The following ATP6V0D2 variants were observed in gnomAD, a reference collection of about 807,000 sequenced individuals.
ATP6V0D2 encodes V-type proton ATPase subunit d 2.
ATP6V0D2 carries 40 observed loss-of-function variants against 40.0 expected under a neutral mutation model. The observed-to-expected ratio is 1.00, with a 90% CI of 0.78 to 1.30. The LOEUF (loss-of-function observed/expected upper bound fraction) is 1.30, where lower values mean the gene tolerates loss of function less well. Ranked by LOEUF, ATP6V0D2 falls within the 50% of genes most tolerant of loss-of-function variation. ATP6V0D2 has a pLI of 0.00. For missense variants in ATP6V0D2, 470 were observed against 423.1 expected, an observed-to-expected ratio of 1.11 and a Z score of -0.97; for synonymous variants, 179 against 156.3, an observed-to-expected ratio of 1.15 and a Z score of -1.08.
chr8:86,114,777 A>G, intron 2 of ATP6V0D2, among the ~76,000 whole-genome samples: 1 of 152,214 alleles, frequency 6.6e-6, no homozygotes, highest in East Asian at 1.9e-4. Flanking sequence ...CATTTGAAAT[A>G]AGCTTATGCC....
intron 2 of ATP6V0D2, among the ~76,000 whole-genome samples, chr8:86,121,356 G>A (rs1025327808): frequency 4.3e-4 from 65 of 152,164 alleles, no homozygotes; most frequent in African/African-American, 1.5e-3. Flanking sequence ...GATCACTTGA[G>A]GTCAGGAGTT....
At position 86,129,803 on chromosome 8, in the gene ATP6V0D2, A is replaced by G. The variant is rs76476581; in HGVS notation, c.303-9654A>G. On this transcript the variant is annotated intron_variant, in intron 2 of 7. Transcript: ENST00000285393. ...GGGCAACAGAGTCAGCCTCTGTCTC[A>G]GGAAAAAAAAAAAAGGGAAAAAAAT... Among the ~76,000 whole-genome samples the G allele has an allele frequency of 6.2e-3, 924 of 148,630 alleles. 11 individuals are homozygous for G. The highest frequency in any genetic ancestry group is 0.022 in the African/African-American group (889 of 40,504).
At chr8:86,134,779 C>T (rs1818875988) in intron 2 of ATP6V0D2, among the ~76,000 whole-genome samples, 1 of 152,076 alleles carries the variant, frequency 6.6e-6, no homozygotes, top group Admixed American at 6.6e-5. Context: ...CCACAAATGT[C>T]CATCAATAGG....
Position 86,139,674 on chromosome 8 carries a change from G to A in ATP6V0D2, c.481+39G>A, listed in dbSNP as rs765296019. On this transcript the variant is annotated intron_variant, in intron 3 of 7. Coordinates refer to ENST00000285393, the MANE Select transcript of ATP6V0D2 (RefSeq NM_152565.1). ...GGTAATTTTGTAGCTGCTTGTGTAT[G>A]TTATCACAGTCATTAGAAAATGTAC... The A allele has an allele frequency of 2.7e-6, 4 of 1,503,860 alleles. No homozygotes were observed. In the East Asian group the frequency reaches 7.1e-5, roughly 27 times the overall value. The allele number at this position is 1,503,860 out of a possible 1,614,324, so 93.2% of individuals were successfully genotyped here.
intron 1 of ATP6V0D2, among the ~76,000 whole-genome samples, chr8:86,102,327 A>T (rs1818410110): frequency 8.4e-6 from 1 of 118,420 alleles, no homozygotes; most frequent in African/African-American, 2.9e-5. Context: ...AGAGCTGAGA[A>T]GAAATCAACT....
intron 5 of ATP6V0D2, among the ~76,000 whole-genome samples, chr8:86,147,386 T>C (rs1400756600): frequency 1.3e-5 from 2 of 152,192 alleles, no homozygotes; most frequent in African/African-American, 4.8e-5. Flanking sequence ...AGTTTTAACA[T>C]GAGTAAGTTT....
rs138863688 is a variant in ATP6V0D2 at position 86,136,301 on chromosome 8, G to T, written c.303-3156G>T. Among the ~76,000 whole-genome samples, 1,001 of 152,324 alleles carry T rather than the reference G, an allele frequency of 6.6e-3. 11 individuals carry two copies. The highest frequency in any genetic ancestry group is 9.5e-3 in the Non-Finnish European group (644 of 68,030). On this transcript the variant is annotated intron_variant, in intron 2 of 7. Transcript: ENST00000285393. ...GTAGAGGCAGGTCTGGGTGTTATAT[G>T]CAGGCTGCATCCTGCTCACACCATT... is the stretch of plus-strand genomic sequence containing the variant.
At position 86,113,899 on chromosome 8, in the gene ATP6V0D2, C is replaced by T; in HGVS notation, c.302+19C>T. 1 of 1,599,420 alleles carries T rather than the reference C, an allele frequency of 6.3e-7. No homozygotes were observed. The highest frequency in any genetic ancestry group is 8.5e-7 in the Non-Finnish European group (1 of 1,172,112). On this transcript the variant is annotated intron_variant, in intron 2 of 7. Transcript: ENST00000285393. ...ATATGACGTAAGTGATGACAGAAAG[C>T]CCTAATAAGCCCCAATGTACTCGTG...
chr8:86,148,851 T>G (rs1449457035), intron 5 of ATP6V0D2, among the ~76,000 whole-genome samples: 1 of 151,758 alleles, frequency 6.6e-6, no homozygotes, highest in African/African-American at 2.4e-5. Flanking sequence ...GACAGAGGCT[T>G]TCTTGAGCCT....
chr8:86,145,357 G>A lies in ATP6V0D2; in HGVS notation c.639+2403G>A, dbSNP rs866450419. 2.7e-3 allele frequency among the ~76,000 whole-genome samples: 218 copies of A among 80,886 alleles called. 1 individual carries two copies. Among genetic ancestry groups the A allele is most frequent in the East Asian group, 0.01 (26 of 2,488 alleles). The allele number at this position is 80,886 out of a possible 152,430, so 53.1% of individuals were successfully genotyped here. The stretch of plus-strand genomic sequence containing the variant: ...AAGAAGGAAAGAAGGAAAGAAGGAA[G>A]GAAGGAAGGAAGGAAGGAAAGAAAA... On this transcript the variant is annotated intron_variant, in intron 5 of 7. Transcript: ENST00000285393.
Position 86,152,943 on chromosome 8 carries a change from G to A in ATP6V0D2, c.1019G>A (p.Arg340Gln), listed in dbSNP as rs781030035. 1.2e-5 allele frequency: 20 copies of A among 1,605,816 alleles called. No homozygotes were observed. The East Asian group carries it at 1.8e-4, about 14-fold the overall frequency. The change falls in exon 8 of 8, where the codon CGA becomes CAA. Residue 340 changes from arginine (R) to glutamine (Q), a missense_variant. Transcript: ENST00000285393. ...WIAECISQRH[R>Q]TKINSYIPIL ...GCAGAATGTATTTCACAGAGGCATC[G>A]AACTAAAATCAACAGTTACATTCCA...
At chr8:86,121,557 A>C (rs930980329) in intron 2 of ATP6V0D2, among the ~76,000 whole-genome samples, 1 of 151,284 alleles carries the variant, frequency 6.6e-6, no homozygotes, top group African/African-American at 2.4e-5. Flanking sequence ...GTGACAGAGC[A>C]AGACTCCACC....
chr8:86,131,553 T>G (rs1389299463), intron 2 of ATP6V0D2, among the ~76,000 whole-genome samples: 1 of 151,688 alleles, frequency 6.6e-6, no homozygotes, highest in Non-Finnish European at 1.5e-5. Context: ...CAGGCTGGAG[T>G]GCAGTGATGC....
Position 86,150,294 on chromosome 8 carries a change from T to G in ATP6V0D2, c.816+6T>G, listed in dbSNP as rs1358298703. On this transcript the variant is annotated splice_donor_region_variant and intron_variant, in intron 6 of 7. Transcript: ENST00000285393. ...ACGTAGCGGATCATTACGGAGTATG[T>G]GATGACACTGGCTTCCCTAAGTCCT... is the stretch of plus-strand genomic sequence containing the variant. 13 of 1,611,388 alleles carry G rather than the reference T, an allele frequency of 8.1e-6. No individual in the cohort carries two copies. Among genetic ancestry groups the G allele is most frequent in the Non-Finnish European group, 1.1e-5 (13 of 1,178,376 alleles).
chr8:86,142,181 C>G (rs574691521), intron 4 of ATP6V0D2, among the ~76,000 whole-genome samples: 110 of 152,246 alleles, frequency 7.2e-4, no homozygotes, highest in Admixed American at 1.2e-3. Context: ...ACATGTGGTC[C>G]TTTCAAAAGC....
At chr8:86,127,635 G>T (rs564985174) in intron 2 of ATP6V0D2, among the ~76,000 whole-genome samples, 3 of 152,000 alleles carry the variant, frequency 2.0e-5, no homozygotes, top group Non-Finnish European at 4.4e-5. Context: ...TGTTGCCCAG[G>T]CTGGTCTCAA....
rs1371323935 is a variant in ATP6V0D2 at position 86,149,993 on chromosome 8, T to TGTCCTTTC, written c.640-119_640-118insGTCCTTTC. The TGTCCTTTC allele has an allele frequency of 9.5e-5, 89 of 936,410 alleles. No homozygotes were observed. The Middle Eastern group carries it at 1.4e-3, about 15-fold the overall frequency. The allele number at this position is 936,410 out of a possible 1,614,324, so 58.0% of individuals were successfully genotyped here. A position where few individuals can be genotyped will look rare whatever the true frequency, so the allele number is the denominator to read the frequency against. On this transcript the variant is annotated intron_variant, in intron 5 of 7. Transcript: ENST00000285393. Reference sequence around the variant, plus strand: ...CTAATAACACATGTCTGGAGTATAATTAGACATAGATCCAGAAAGGAAAGC... The same window carrying TGTCCTTTC: ...CTAATAACACATGTCTGGAGTATAATGTCCTTTCTAGACATAGATCCAGAAAGGAAAGC...
intron 2 of ATP6V0D2, among the ~76,000 whole-genome samples, chr8:86,122,740 G>T (rs1818686077): frequency 6.6e-6 from 1 of 152,224 alleles, no homozygotes; most frequent in South Asian, 2.1e-4. Flanking sequence ...GACTTTAAAT[G>T]ATTCTGTAGA....
chr8:86,136,406 CA>C lies in ATP6V0D2; in HGVS notation c.303-3050del, dbSNP rs371747663. Among the ~76,000 whole-genome samples, 200 of 152,104 alleles carry C rather than the reference CA, an allele frequency of 1.3e-3. 2 individuals are homozygous for C. Among genetic ancestry groups the C allele is most frequent in the African/African-American group, 3.9e-3 (163 of 41,488 alleles). On this transcript the variant is annotated intron_variant, in intron 2 of 7. Coordinates refer to ENST00000285393, the MANE Select transcript of ATP6V0D2 (RefSeq NM_152565.1). ...TCGCAGCTCAGATGCTTTTACATTG[CA>C]GGGGAGGTTGTGGGGAACAATTAAA...
Sources: gnomAD v4.1 joint callset for allele counts (sites outside exome capture counted in the v4.1 genomes callset) on GRCh38, gnomAD v4.1.1 for gene constraint, MANE v1.5 for transcripts, NCBI Gene and HGNC (gene_info 2026-07-23, HGNC 2026-07-21) for gene names.